The following KIAA1549 variants were observed in gnomAD, a reference collection of about 807,000 sequenced individuals.
KIAA1549 encodes the protein KIAA1549.
In KIAA1549, 70 loss-of-function variants were observed where a neutral mutation model predicts 156.4. The ratio of observed to expected loss-of-function variants is 0.45; its 90% CI spans 0.37 to 0.55. The LOEUF is 0.55. KIAA1549 is among the 20% of genes least tolerant of loss of function. The pLI, the probability that KIAA1549 is intolerant of heterozygous loss-of-function variation, is 0.00. For synonymous variants in KIAA1549, 1,103 were observed against 1,066.4 expected (o/e 1.03, Z -0.67); for missense variants, 2,428 against 2,540.9 (o/e 0.96, Z 0.96).
chr7:138,918,792 T>G lies in KIAA1549; in HGVS notation c.834A>C (p.Glu278Asp). ...ACCGGGAGCTTAAAAAAAGGGTGGTTTCCACACCCTCTGTTAGGGAAGCCA... is the reference window on the plus strand; with the variant it reads ...ACCGGGAGCTTAAAAAAAGGGTGGTGTCCACACCCTCTGTTAGGGAAGCCA... ...EIVASLTEGV[E>D]TTLFLSSRSL... The change falls in exon 2 of 20, where the codon GAA becomes GAC. Residue 278 changes from glutamate to aspartate, a missense_variant. Glu to Asp is a conservative substitution (Grantham distance 45). Around this residue, in one of 5 missense-constraint regions of KIAA1549, gnomAD observed 893 missense variants for 847.9 expected, o/e 1.05. Coordinates refer to ENST00000422774, the MANE Select transcript of KIAA1549 (RefSeq NM_001164665.2). This position sits in a 1 kb window ranked among gnomAD's most constrained non-coding sequence, Gnocchi z 4.2. 6.2e-7 allele frequency: 1 copy of G among 1,613,876 alleles called. No individual in the cohort carries two copies. The highest frequency in any genetic ancestry group is 1.3e-5 in the African/African-American group (1 of 75,016).
At chr7:138,894,214 T>G in intron 10 of KIAA1549, 128 bp downstream of exon 10, 2 of 905,556 alleles carry the variant, frequency 2.2e-6, no homozygotes, top group Admixed American at 2.3e-5. Flanking sequence ...ATACCACTAT[T>G]AAAGCCAGAA....
At position 138,871,283 on chromosome 7, in the gene KIAA1549, G is replaced by A. The variant is rs780077399; in HGVS notation, c.4425C>T (p.Pro1475=). The A allele has an allele frequency of 1.2e-6, 2 of 1,610,618 alleles. No individual in the cohort carries two copies. The highest frequency in any genetic ancestry group is 2.2e-5 in the East Asian group (1 of 44,844). The stretch of plus-strand genomic sequence containing the variant: ...TGGGGACCCGCCGGCTAGCCTCCGG[G>A]GGGCGGGAGATCCTGTCCACGTGCT... ...IFEHVDRISR[P]PEASRRVPSK... The change falls in exon 13 of 20, where the codon CCC becomes CCT. Residue 1475 remains proline, a synonymous_variant. Coordinates refer to ENST00000422774, the MANE Select transcript of KIAA1549 (RefSeq NM_001164665.2).
chr7:138,980,582 T>C (rs902246632), intron 1 of KIAA1549, among the ~76,000 whole-genome samples: 2 of 152,252 alleles, frequency 1.3e-5, no homozygotes, highest in Admixed American at 6.5e-5. Flanking sequence ...ATGTTCTTTG[T>C]GTCCTGCTGT....
At chr7:138,866,158 T>C (rs558125707) in intron 15 of KIAA1549, among the ~76,000 whole-genome samples, 2 of 152,244 alleles carry the variant, frequency 1.3e-5, no homozygotes, top group South Asian at 2.1e-4. Flanking sequence ...AGGAAGACAG[T>C]AGTTTCATTT....
At chr7:138,885,709 CA>C (rs754179170) in intron 10 of KIAA1549, among the ~76,000 whole-genome samples, 21 of 152,186 alleles carry the variant, frequency 1.4e-4, no homozygotes, top group Non-Finnish European at 2.5e-4. Context: ...AGATATTTTA[CA>C]GAGTCTGGTT....
intron 1 of KIAA1549, among the ~76,000 whole-genome samples, chr7:138,932,759 CA>C (rs1369245860): frequency 6.6e-6 from 1 of 152,130 alleles, no homozygotes; most frequent in Admixed American, 6.6e-5. Context: ...GGAAATGCAG[CA>C]TCTCAGGCCC....
intron 11 of KIAA1549, 95 bp from the exon 12 acceptor site, chr7:138,879,748 C>A: frequency 1.3e-6 from 1 of 765,062 alleles, no homozygotes; most frequent in Middle Eastern, 3.6e-4. Flanking sequence ...GGCTTCCAGG[C>A]AAAACCAGCA....
intron 1 of KIAA1549, among the ~76,000 whole-genome samples, chr7:138,926,016 C>T (rs1307112260): frequency 6.6e-6 from 1 of 152,162 alleles, no homozygotes; most frequent in Non-Finnish European, 1.5e-5. Flanking sequence ...AATACCTCCT[C>T]CTCTGAGGGC....
intron 8 of KIAA1549, among the ~76,000 whole-genome samples, chr7:138,901,374 G>A (rs1811837283): frequency 6.7e-6 from 1 of 148,792 alleles, no homozygotes; most frequent in Non-Finnish European, 1.5e-5. Flanking sequence ...CCCCGAGGCT[G>A]GAGTGCATTG....
At chr7:138,933,122 T>C (rs570900973) in intron 1 of KIAA1549, among the ~76,000 whole-genome samples, 1 of 151,658 alleles carries the variant, frequency 6.6e-6, no homozygotes, top group South Asian at 2.1e-4. Flanking sequence ...GGCTGACTAG[T>C]GAAGGGCAGA....
chr7:138,844,541 C>T (rs1810018946), intron 17 of KIAA1549, 67 bp from the exon 18 acceptor site: 1 of 1,375,422 alleles, frequency 7.3e-7, no homozygotes. Flanking sequence ...CCATGAGGTC[C>T]ACCCCCAACC....
chr7:138,916,876 G>A lies in KIAA1549; in HGVS notation c.2750C>T (p.Pro917Leu). 6.2e-7 allele frequency: 1 copy of A among 1,613,954 alleles called. No individual in the cohort carries two copies. Among genetic ancestry groups the A allele is most frequent in the Non-Finnish European group, 8.5e-7 (1 of 1,179,888 alleles). ...QSPPESSAAP[P>L]LPSLRPVTAF... is the part of the protein sequence containing the mutation. ...AGTCACGGGACGCAGGGATGGCAGG[G>A]GAGGAGCAGCACTACTCTCTGGGGG... Residue 917 changes from proline (P) to leucine (L), a missense_variant, in exon 2 of 20, where the codon CCC becomes CTC. Pro to Leu is a moderately conservative substitution (Grantham distance 98). This residue lies in a region of KIAA1549 where 762 missense variants were observed against 901.6 expected (regional missense o/e 0.85). Transcript: ENST00000422774.
chr7:138,946,891 C>T (rs1392370298), intron 1 of KIAA1549, among the ~76,000 whole-genome samples: 1 of 152,126 alleles, frequency 6.6e-6, no homozygotes, highest in Non-Finnish European at 1.5e-5. Flanking sequence ...GTGAGACTGC[C>T]CAACTGAGAA....
At chr7:138,873,046 A>T (rs1157914064) in intron 12 of KIAA1549, among the ~76,000 whole-genome samples, 1 of 152,244 alleles carries the variant, frequency 6.6e-6, no homozygotes, top group East Asian at 1.9e-4. Flanking sequence ...AAAGCCTAAC[A>T]TTTGAAACTT....
At chr7:138,895,783 AT>A (rs750590645) in intron 9 of KIAA1549, among the ~76,000 whole-genome samples, 7 of 152,150 alleles carry the variant, frequency 4.6e-5, no homozygotes, top group Non-Finnish European at 7.4e-5. Context: ...CACTGTGTTA[AT>A]TTGGAAACTG....
intron 1 of KIAA1549, among the ~76,000 whole-genome samples, chr7:138,926,886 A>C (rs562530385): frequency 1.2e-4 from 19 of 152,196 alleles, no homozygotes; most frequent in African/African-American, 4.3e-4. Flanking sequence ...GAAAAGTACT[A>C]CCCTTACCAG....
In KIAA1549 at chr7:138,981,281, G is replaced by A. The variant is rs1192327002; in HGVS notation, c.-12C>T. The A allele has an allele frequency of 4.2e-5, 41 of 972,014 alleles. No individual in the cohort carries two copies. Among genetic ancestry groups the A allele is most frequent in the Non-Finnish European group, 4.9e-5 (40 of 820,662 alleles). 60.2% of individuals were successfully genotyped at this position (972,014 alleles called of 1,614,324 possible). ...CGCGCCCCCGGCATTCCCGGCCGGCGCCCCGGCCCGGCCTCGCGGCTCAGC... is the reference window on the plus strand; with the variant it reads ...CGCGCCCCCGGCATTCCCGGCCGGCACCCCGGCCCGGCCTCGCGGCTCAGC... On this transcript the variant is annotated 5_prime_UTR_variant, in exon 1 of 20. Coordinates refer to ENST00000422774, the MANE Select transcript of KIAA1549 (RefSeq NM_001164665.2). This position sits in a 1 kb window ranked among gnomAD's most constrained non-coding sequence, Gnocchi z 4.5.
At chr7:138,951,613 C>A (rs1400509986) in intron 1 of KIAA1549, among the ~76,000 whole-genome samples, 1 of 152,146 alleles carries the variant, frequency 6.6e-6, no homozygotes, top group African/African-American at 2.4e-5. Flanking sequence ...CACCTGCTTT[C>A]CCCATAAAAC....
chr7:138,910,990 C>T (rs1812154365), intron 4 of KIAA1549, among the ~76,000 whole-genome samples, 156 bp downstream of exon 4: 1 of 152,118 alleles, frequency 6.6e-6, no homozygotes, highest in South Asian at 2.1e-4. Context: ...TATAATCACA[C>T]CACTGCATTC....
Sources: allele counts gnomAD v4.1 joint callset (sites outside exome capture counted in the v4.1 genomes callset), GRCh38; gene constraint gnomAD v4.1.1; regional missense constraint gnomAD v4.1.1; non-coding constraint Gnocchi (gnomAD v3.1); transcripts MANE v1.5; gene names NCBI Gene and HGNC (gene_info 2026-07-23, HGNC 2026-07-21).